CTPS2: variants seen among roughly 807,000 people sequenced by gnomAD.
CTPS2 encodes the protein CTP synthase 2.
A neutral mutation model predicts 46.8 loss-of-function variants in CTPS2; 19 were observed. The observed-to-expected ratio is 0.41, with a 90% CI of 0.28 to 0.60. CTPS2 has a LOEUF of 0.60. Ranked by LOEUF, CTPS2 falls within the 20% of genes least tolerant of loss-of-function variation. The pLI, the probability that CTPS2 is intolerant of heterozygous loss-of-function variation, is 0.35. For synonymous variants in CTPS2, 151 were observed against 165.2 expected (o/e 0.91, Z 0.66); for missense variants, 286 against 447.6 (o/e 0.64, Z 3.26).
chrX:16,634,965 A>G (rs1931666567), intron 14 of CTPS2, among the ~76,000 whole-genome samples: 1 of 109,910 alleles, frequency 9.1e-6, no homozygotes, highest in Non-Finnish European at 1.9e-5. Flanking sequence ...GAGAAAAAAA[A>G]AAAAAAAGGC....
intron 4 of CTPS2, 79 bp downstream of exon 4, chrX:16,698,157 A>C: frequency 1.3e-6 from 1 of 745,568 alleles, no homozygotes; most frequent in Non-Finnish European, 2.1e-6. Context: ...GGCGTGTGTA[A>C]GTATTTGTCA....
intron 7 of CTPS2, among the ~76,000 whole-genome samples, chrX:16,691,260 G>A (rs1241527761): frequency 3.6e-5 from 4 of 111,484 alleles, no homozygotes; most frequent in Non-Finnish European, 5.7e-5. Context: ...CAGAGGTTGC[G>A]GTGAGCTGAG....
intron 2 of CTPS2, among the ~76,000 whole-genome samples, chrX:16,702,088 T>C: frequency 9.0e-6 from 1 of 111,414 alleles, no homozygotes; most frequent in South Asian, 3.8e-4. Flanking sequence ...AGAGTCTCGC[T>C]CTGTCGCCCA....
At chrX:16,656,131 T>G (rs996810509) in intron 13 of CTPS2, among the ~76,000 whole-genome samples, 2 of 112,142 alleles carry the variant, frequency 1.8e-5, no homozygotes, top group African/African-American at 6.5e-5. Context: ...TAAGGAGCTT[T>G]GTTAAACACT....
At chrX:16,693,076 A>AC in intron 6 of CTPS2, 65 bp downstream of exon 6, 1 of 757,865 alleles carries the variant, frequency 1.3e-6, no homozygotes, top group African/African-American at 2.1e-5. Flanking sequence ...AAAAAAAAAA[A>AC]AAAGAAGTGA....
chrX:16,611,410 C>T (rs554528111), intron 16 of CTPS2, among the ~76,000 whole-genome samples: 1 of 109,304 alleles, frequency 9.1e-6, no homozygotes, highest in South Asian at 4.0e-4. Flanking sequence ...ATGATAATAC[C>T]ACTGCACTCC....
At chrX:16,667,471 A>G in intron 13 of CTPS2, 43 bp downstream of exon 13, 1 of 1,189,269 alleles carries the variant, frequency 8.4e-7, no homozygotes, top group African/African-American at 1.7e-5. Flanking sequence ...GCCAGGACCC[A>G]AGTGACAATG....
chrX:16,693,841 G>T (rs1230317608), intron 4 of CTPS2, among the ~76,000 whole-genome samples: 1 of 110,897 alleles, frequency 9.0e-6, no homozygotes, highest in Non-Finnish European at 1.9e-5. Context: ...TTCTCCACGT[G>T]TATACTCTTC....
intron 13 of CTPS2, among the ~76,000 whole-genome samples, chrX:16,645,713 T>C (rs1365438765): frequency 8.9e-6 from 1 of 112,840 alleles, no homozygotes; most frequent in African/African-American, 3.2e-5. Flanking sequence ...AGTTGATGTG[T>C]TGCAAGCTTA....
intron 17 of CTPS2, among the ~76,000 whole-genome samples, chrX:16,604,028 ACT>A (rs759817681): frequency 9.0e-6 from 1 of 110,780 alleles, no homozygotes; most frequent in Non-Finnish European, 1.9e-5. Flanking sequence ...TCCTTTAAAG[ACT>A]CTCTTATTAC....
intron 11 of CTPS2, 115 bp from the exon 12 acceptor site, chrX:16,667,839 C>T: frequency 3.1e-6 from 2 of 640,960 alleles, no homozygotes; most frequent in East Asian, 6.9e-5. Context: ...TCCCAGAGAG[C>T]AAGACTCTGC....
At chrX:16,669,038 G>A (rs962335288) in intron 11 of CTPS2, among the ~76,000 whole-genome samples, 5 of 111,376 alleles carry the variant, frequency 4.5e-5, no homozygotes, top group South Asian at 3.8e-4. Flanking sequence ...CCTACAGGAC[G>A]TCAGGCTGCT....
At chrX:16,647,691 G>A (rs1004507114) in intron 13 of CTPS2, among the ~76,000 whole-genome samples, 3 of 110,963 alleles carry the variant, frequency 2.7e-5, no homozygotes, top group Non-Finnish European at 5.7e-5. Context: ...ACATACACAC[G>A]TCATATGTAA....
chrX:16,661,061 G>T (rs1932937425), intron 13 of CTPS2, among the ~76,000 whole-genome samples: 1 of 110,447 alleles, frequency 9.1e-6, no homozygotes, highest in Admixed American at 9.7e-5. Context: ...CCAGGTTCAA[G>T]TGATTCTCCT....
intron 14 of CTPS2, among the ~76,000 whole-genome samples, chrX:16,627,889 G>T (rs1315511528): frequency 1.8e-5 from 2 of 111,706 alleles, no homozygotes; most frequent in African/African-American, 6.5e-5. Flanking sequence ...AGCTGTTTGG[G>T]TTTTTCTGCC....
chrX:16,657,748 G>A (rs1254718310), intron 13 of CTPS2, among the ~76,000 whole-genome samples: 1 of 111,988 alleles, frequency 8.9e-6, no homozygotes, highest in African/African-American at 3.2e-5. Flanking sequence ...TAGCCTCTCA[G>A]CACTCTTATT....
intron 14 of CTPS2, among the ~76,000 whole-genome samples, chrX:16,621,725 T>C (rs905602494): frequency 9.0e-6 from 1 of 111,609 alleles, no homozygotes; most frequent in African/African-American, 3.3e-5. Flanking sequence ...AAAGACATCA[T>C]GAGGCTGGAA....
chrX:16,626,458 G>A (rs765851748), intron 14 of CTPS2, among the ~76,000 whole-genome samples: 8 of 111,296 alleles, frequency 7.2e-5, no homozygotes, highest in African/African-American at 2.6e-4. Flanking sequence ...AATGGGTATA[G>A]TTTCTAGTTT....
intron 2 of CTPS2, among the ~76,000 whole-genome samples, chrX:16,699,301 T>C (rs1422873555): frequency 8.9e-6 from 1 of 112,163 alleles, no homozygotes; most frequent in Non-Finnish European, 1.9e-5. Context: ...ATTGTGGTTT[T>C]TTTTTAATCT....
Sources: gnomAD v4.1 joint callset for allele counts (sites outside exome capture counted in the v4.1 genomes callset) on GRCh38, gnomAD v4.1.1 for gene constraint, MANE v1.5 for transcripts, NCBI Gene and HGNC (gene_info 2026-07-23, HGNC 2026-07-21) for gene names.